The following PTPRZ1 variants were observed in gnomAD, a reference collection of about 807,000 sequenced individuals.
PTPRZ1 encodes protein tyrosine phosphatase receptor type Z1, also known as receptor-type tyrosine-protein phosphatase zeta.
In PTPRZ1, 82 loss-of-function variants were observed where a neutral mutation model predicts 214.1. The ratio of observed to expected loss-of-function variants is 0.38; its 90% CI spans 0.32 to 0.46. The LOEUF is 0.46. Among genes scored for constraint, PTPRZ1 ranks in the 20% least tolerant of loss-of-function variants. The pLI, the probability that PTPRZ1 is intolerant of heterozygous loss-of-function variation, is 1.00. For missense variants in PTPRZ1, 2,603 were observed against 2,748.7 expected (o/e 0.95, Z 1.19); for synonymous variants, 945 against 987.9 (o/e 0.96, Z 0.81).
chr7:122,059,990 A>G, intron 29 of PTPRZ1, 102 bp downstream of exon 29: 1 of 1,163,412 alleles, frequency 8.6e-7, no homozygotes, highest in African/African-American at 1.6e-5. Context: ...TTATTAACTG[A>G]TAACATTAGT....
rs956871153 is a variant in PTPRZ1, at chr7:121,873,419, A to C, written c.-81A>C. 9.7e-6 allele frequency: 14 copies of C among 1,448,706 alleles called. No individual in the cohort carries two copies. Among genetic ancestry groups the C allele is most frequent in the African/African-American group, 2.8e-5 (2 of 71,238 alleles). The allele number at this position is 1,448,706 out of a possible 1,614,324, so 89.7% of individuals were successfully genotyped here. ...GAGGATTAAAACAAACAAACAAAAAAAACATTTCCTTCGCTCCCCCTCCCT... is the reference window on the plus strand; with the variant it reads ...GAGGATTAAAACAAACAAACAAAAACAACATTTCCTTCGCTCCCCCTCCCT... On this transcript the variant is annotated 5_prime_UTR_variant, in exon 1 of 30. Transcript: ENST00000393386.
chr7:121,921,624 A>G (rs1301408085), intron 1 of PTPRZ1, among the ~76,000 whole-genome samples: 1 of 152,114 alleles, frequency 6.6e-6, no homozygotes, highest in East Asian at 1.9e-4. Flanking sequence ...TTTTAATGAT[A>G]TGAATTAAAA....
intron 1 of PTPRZ1, among the ~76,000 whole-genome samples, chr7:121,906,700 G>A (rs1409423884): frequency 2.0e-5 from 3 of 152,196 alleles, no homozygotes; most frequent in African/African-American, 7.2e-5. Flanking sequence ...GGAAAGGGCA[G>A]TGGGTTCTGA....
At chr7:121,997,039 G>A (rs1163831462) in intron 9 of PTPRZ1, among the ~76,000 whole-genome samples, 2 of 152,164 alleles carry the variant, frequency 1.3e-5, no homozygotes, top group Non-Finnish European at 2.9e-5. Context: ...CTTTGGGGAT[G>A]TAAGAAAACA....
chr7:121,941,568 A>G (rs1312941794), intron 2 of PTPRZ1, among the ~76,000 whole-genome samples: 1 of 152,188 alleles, frequency 6.6e-6, no homozygotes, highest in South Asian at 2.1e-4. Flanking sequence ...AGCATCTTCT[A>G]GTTTTTCTAG....
intron 1 of PTPRZ1, among the ~76,000 whole-genome samples, chr7:121,901,476 G>T (rs181161013): frequency 6.6e-6 from 1 of 152,088 alleles, no homozygotes; most frequent in Non-Finnish European, 1.5e-5. Context: ...CAATTACAGA[G>T]TTACCAAAAA....
At chr7:122,046,943 T>C (rs867159962) in intron 23 of PTPRZ1, among the ~76,000 whole-genome samples, 19 of 152,068 alleles carry the variant, frequency 1.2e-4, no homozygotes, top group African/African-American at 4.6e-4. Context: ...TTAGAAAGGA[T>C]TACTTAAGAA....
intron 4 of PTPRZ1, among the ~76,000 whole-genome samples, chr7:121,975,168 C>CA (rs531358516): frequency 3.3e-4 from 51 of 152,296 alleles, no homozygotes; most frequent in African/African-American, 1.1e-3. Flanking sequence ...GCCTGAGTGA[C>CA]AGAGTGAGAC....
Position 122,011,272 on chromosome 7 carries a change from C to T in PTPRZ1, c.2226C>T (p.Asn742=), listed in dbSNP as rs187164233. ...SRQQDLVSTV[N]VVYSQTTQPV... ...AACAGGATTTGGTCTCCACGGTCAA[C>T]GTGGTATACTCGCAGACAACCCAAC... Residue 742 remains asparagine, a synonymous_variant, in exon 12 of 30, where the codon AAC becomes AAT. Transcript: ENST00000393386. The T allele has an allele frequency of 1.3e-4, 206 of 1,614,010 alleles. 1 individual carries two copies. Among genetic ancestry groups the T allele is most frequent in the Non-Finnish European group, 2.2e-5 (26 of 1,179,968 alleles).
intron 2 of PTPRZ1, among the ~76,000 whole-genome samples, chr7:121,931,578 C>A (rs759097609): frequency 6.6e-6 from 1 of 152,116 alleles, no homozygotes; most frequent in Non-Finnish European, 1.5e-5. Context: ...TGTTTCCCAG[C>A]AGCCCAGGGA....
intron 2 of PTPRZ1, among the ~76,000 whole-genome samples, chr7:121,962,592 T>C (rs1312688759): frequency 6.6e-6 from 1 of 151,886 alleles, no homozygotes; most frequent in African/African-American, 2.4e-5. Context: ...TTTGAGACAG[T>C]CTTGCTCTGT....
At chr7:121,880,826 T>C (rs1193286347) in intron 1 of PTPRZ1, among the ~76,000 whole-genome samples, 1 of 152,178 alleles carries the variant, frequency 6.6e-6, no homozygotes, top group East Asian at 1.9e-4. Context: ...CAAGGTGGTA[T>C]TGTCTCAGCT....
intron 10 of PTPRZ1, among the ~76,000 whole-genome samples, 182 bp downstream of exon 10, chr7:121,998,188 T>C (rs1372632144): frequency 6.6e-6 from 1 of 152,182 alleles, no homozygotes; most frequent in Non-Finnish European, 1.5e-5. Context: ...GCAGGTCTGG[T>C]GCCAGACAAT....
At chr7:121,934,672 T>C (rs978032868) in intron 2 of PTPRZ1, among the ~76,000 whole-genome samples, 1 of 152,154 alleles carries the variant, frequency 6.6e-6, no homozygotes, top group Admixed American at 6.6e-5. Context: ...CTTAACTTGA[T>C]CCCAAACAGA....
chr7:122,040,019 C>T (rs867158203), intron 20 of PTPRZ1, among the ~76,000 whole-genome samples: 20 of 151,862 alleles, frequency 1.3e-4, no homozygotes, highest in African/African-American at 4.8e-4. Context: ...ATTCTTATCA[C>T]AGCTGCCGTC....
At position 121,874,039 on chromosome 7, in the gene PTPRZ1, GAC is replaced by G. The variant is rs10640393; in HGVS notation, c.58+507_58+508del. Among the ~76,000 whole-genome samples the G allele has an allele frequency of 6.7e-3, 985 of 147,802 alleles. 4 individuals carry two copies. Among genetic ancestry groups the G allele is most frequent in the Middle Eastern group, 0.025 (7 of 282 alleles). On this transcript the variant is annotated intron_variant, in intron 1 of 29. Transcript: ENST00000393386. The stretch of plus-strand genomic sequence containing the variant: ...GTACACGTGTCTGGTGTGAATTGCA[GAC>G]ACACACACACACACACACACACACC...
At chr7:121,924,217 AT>A (rs1421842841) in intron 1 of PTPRZ1, among the ~76,000 whole-genome samples, 3 of 152,126 alleles carry the variant, frequency 2.0e-5, no homozygotes, top group Non-Finnish European at 4.4e-5. Flanking sequence ...CAGAAAAAAA[AT>A]TCTATATTTC....
chr7:122,017,443 C>G (rs981389994), intron 12 of PTPRZ1, among the ~76,000 whole-genome samples: 9 of 151,964 alleles, frequency 5.9e-5, no homozygotes, highest in African/African-American at 2.2e-4. Flanking sequence ...TTAATCACAC[C>G]TTTGAATTCC....
chr7:121,880,166 T>C (rs187529884), intron 1 of PTPRZ1, among the ~76,000 whole-genome samples: 1 of 152,300 alleles, frequency 6.6e-6, no homozygotes. Context: ...CCTTCTGATA[T>C]TTGCCCACAG....
Sources: allele counts gnomAD v4.1 joint callset (sites outside exome capture counted in the v4.1 genomes callset), GRCh38; gene constraint gnomAD v4.1.1; transcripts MANE v1.5; gene names NCBI Gene and HGNC (gene_info 2026-07-23, HGNC 2026-07-21).